Variants in ZNF610 observed in about 807,000 individuals in gnomAD.
ZNF610 encodes the protein zinc finger protein 610.
Under a neutral mutation model 14.1 loss-of-function variants are expected in ZNF610, and 14 were observed. The observed-to-expected ratio is 0.99, with a 90% CI of 0.65 to 1.55. The LOEUF is 1.55. ZNF610 is among the 40% of genes most tolerant of loss of function. The probability of loss-of-function intolerance (pLI) is 0.00; values close to 1 mark genes in which losing one functional copy is unlikely to be tolerated. For missense variants in ZNF610, 530 were observed against 558.0 expected, an observed-to-expected ratio of 0.95 and a Z score of 0.51; for synonymous variants, 185 against 187.6, an observed-to-expected ratio of 0.99 and a Z score of 0.11.
intron 1 of ZNF610, among the ~76,000 whole-genome samples, chr19:52,344,361 C>T (rs1049943448): frequency 1.3e-5 from 2 of 152,062 alleles, no homozygotes; most frequent in African/African-American, 4.8e-5. Flanking sequence ...CCTGACCCCA[C>T]CCCAACTCTC....
rs1014528480 is a variant in ZNF610 at position 52,341,268 on chromosome 19, G to A, written c.-258+4762G>A. On this transcript the variant is annotated intron_variant, in intron 1 of 5. Coordinates refer to ENST00000403906, the MANE Select transcript of ZNF610 (RefSeq NM_001161425.2). ...CATCCACCCATTCCATTGCTCCTGC[G>A]ACCTGTTTCTAAATTTATTTTTATT... 7.2e-5 allele frequency among the ~76,000 whole-genome samples: 11 copies of A among 151,846 alleles called. 1 individual carries two copies. The highest frequency in any genetic ancestry group is 4.6e-4 in the Admixed American group (7 of 15,218).
chr19:52,353,887 C>T, intron 4 of ZNF610, 79 bp downstream of exon 4: 1 of 1,511,998 alleles, frequency 6.6e-7, no homozygotes, highest in Non-Finnish European at 8.8e-7. Context: ...TCTTGGGAGC[C>T]CCTAAATTGC....
chr19:52,349,317 A>G, intron 3 of ZNF610, 82 bp downstream of exon 3: 1 of 1,459,278 alleles, frequency 6.9e-7, no homozygotes, highest in Non-Finnish European at 9.6e-7. Context: ...GTTTGCTCAC[A>G]CTCACCCATG....
At chr19:52,346,813 T>TC (rs1984983125) in intron 1 of ZNF610, among the ~76,000 whole-genome samples, 1 of 152,024 alleles carries the variant, frequency 6.6e-6, no homozygotes, top group Admixed American at 6.6e-5. Context: ...CACTGGAACC[T>TC]CCACCTCCAG....
chr19:52,363,150 T>C (rs904394880), intron 5 of ZNF610, among the ~76,000 whole-genome samples: 6 of 146,722 alleles, frequency 4.1e-5, no homozygotes, highest in Admixed American at 2.7e-4. Flanking sequence ...TTTTGAGACA[T>C]AGTCTCACCC....
intron 4 of ZNF610, 99 bp downstream of exon 4, chr19:52,353,907 G>T: frequency 7.0e-7 from 1 of 1,434,704 alleles, no homozygotes; most frequent in South Asian, 1.4e-5. Flanking sequence ...CTTAACTGAG[G>T]TAGAAACCTT....
chr19:52,355,577 G>A (rs1435821795), intron 5 of ZNF610, among the ~76,000 whole-genome samples: 1 of 152,220 alleles, frequency 6.6e-6, no homozygotes, highest in African/African-American at 2.4e-5. Context: ...GTTAGAATCA[G>A]ATCCCACAGG....
chr19:52,336,964 G>T lies in ZNF610; in HGVS notation c.-258+458G>T, dbSNP rs149687812. ...TGTGGGGAAAGATGGTGAAAGAGTG[G>T]CAGGAAATAGAAAAATTTTGAAAAA... On this transcript the variant is annotated intron_variant, in intron 1 of 5. Coordinates refer to ENST00000403906, the MANE Select transcript of ZNF610 (RefSeq NM_001161425.2). 1.1e-4 allele frequency among the ~76,000 whole-genome samples: 17 copies of T among 152,196 alleles called. No homozygotes were observed. In the East Asian group the frequency reaches 3.3e-3, roughly 30 times the overall value.
At chr19:52,337,591 G>A (rs1408869822) in intron 1 of ZNF610, among the ~76,000 whole-genome samples, 1 of 144,560 alleles carries the variant, frequency 6.9e-6, no homozygotes, top group African/African-American at 2.5e-5. Context: ...GTGAAAAAAA[G>A]CAGGAGAAAG....
Position 52,336,293 on chromosome 19 carries a change from A to C in ZNF610, c.-471A>C. 1 of 281,454 alleles carries C rather than the reference A, an allele frequency of 3.6e-6. No individual in the cohort carries two copies. The highest frequency in any genetic ancestry group is 6.7e-6 in the Non-Finnish European group (1 of 148,820). The allele number at this position is 281,454 out of a possible 1,614,324, so 17.4% of individuals were successfully genotyped here. The stretch of plus-strand genomic sequence containing the variant: ...GTAGAAGGTCACACCGCAGCGCGTC[A>C]GTTTCCCTTTGTTTAGATTCAATCT... On this transcript the variant is annotated 5_prime_UTR_variant, in exon 1 of 6. Transcript: ENST00000403906.
upstream of ZNF610, among the ~76,000 whole-genome samples, chr19:52,332,189 T>C (rs930650496): frequency 4.6e-5 from 7 of 151,316 alleles, no homozygotes; most frequent in African/African-American, 1.7e-4. The surrounding 1 kb of genome is among the most constrained non-coding windows in gnomAD (Gnocchi z 4.1). Flanking sequence ...GGGGAATAAT[T>C]TGTCTATTGA....
At chr19:52,354,580 ATTTT>A (rs201439857) in intron 5 of ZNF610, among the ~76,000 whole-genome samples, 11 of 123,588 alleles carry the variant, frequency 8.9e-5, no homozygotes, top group African/African-American at 3.2e-4. Flanking sequence ...AAGCCATACT[ATTTT>A]TTTTTTTTTT....
At chr19:52,334,113 TTAA>T (rs1194217980), upstream of ZNF610, among the ~76,000 whole-genome samples, 2 of 152,194 alleles carry the variant, frequency 1.3e-5, no homozygotes, top group African/African-American at 4.8e-5. Context: ...GTATAAGATG[TTAA>T]TAATAGGGAA....
At chr19:52,354,702 C>T (rs1430778003) in intron 5 of ZNF610, among the ~76,000 whole-genome samples, 1 of 151,730 alleles carries the variant, frequency 6.6e-6, no homozygotes, top group Non-Finnish European at 1.5e-5. Flanking sequence ...CCTCAGCCTC[C>T]CCAGTAGCTG....
chr19:52,345,195 A>C (rs940390101), intron 1 of ZNF610: 3 of 152,212 alleles, frequency 2.0e-5, no homozygotes, highest in Middle Eastern at 3.1e-3. Flanking sequence ...GAGGATACCA[A>C]AATCAGGTGA....
intron 5 of ZNF610, among the ~76,000 whole-genome samples, chr19:52,355,067 G>C (rs776218063): frequency 6.6e-6 from 1 of 152,186 alleles, no homozygotes; most frequent in Non-Finnish European, 1.5e-5. Flanking sequence ...AGAGACAAAA[G>C]CAAAGTCTTT....
chr19:52,354,485 T>C (rs1306094434), intron 5 of ZNF610, 106 bp downstream of exon 5: 1 of 1,281,896 alleles, frequency 7.8e-7, no homozygotes, highest in African/African-American at 1.5e-5. Context: ...CAATCATAGC[T>C]CACTGCAGCC....
At chr19:52,363,769 T>C (rs10420125) in intron 5 of ZNF610, among the ~76,000 whole-genome samples, 2,499 of 152,286 alleles carry the variant, frequency 0.016, 48 homozygotes, top group African/African-American at 0.052. Flanking sequence ...TTAAAGGGAG[T>C]CTGTCGTGGA....
intron 5 of ZNF610, among the ~76,000 whole-genome samples, chr19:52,357,379 C>T (rs1985572737): frequency 6.6e-6 from 1 of 152,152 alleles, no homozygotes; most frequent in African/African-American, 2.4e-5. Flanking sequence ...GGCGCAGTGG[C>T]TCACGCCTGT....
Sources: allele counts gnomAD v4.1 joint callset (sites outside exome capture counted in the v4.1 genomes callset), GRCh38; gene constraint gnomAD v4.1.1; non-coding constraint Gnocchi (gnomAD v3.1); transcripts MANE v1.5; gene names NCBI Gene and HGNC (gene_info 2026-07-23, HGNC 2026-07-21).